MCUB: variants seen among roughly 807,000 people sequenced by gnomAD.
The protein encoded by MCUB is mitochondrial calcium uniporter dominant negative subunit beta, also known as calcium uniporter regulatory subunit MCUb, mitochondrial.
A neutral mutation model predicts 41.4 loss-of-function variants in MCUB; 46 were observed. The ratio of observed to expected loss-of-function variants is 1.11; its 90% confidence interval spans 0.88 to 1.42. MCUB has a LOEUF of 1.42. Among genes scored for constraint, MCUB ranks in the 40% most tolerant of loss-of-function variants. The pLI is 0.00. For missense variants in MCUB, 403 were observed against 404.9 expected (o/e 1.00, Z 0.04); for synonymous variants, 148 against 148.2 (o/e 1.00, Z 0.01).
rs187537628 is a variant in MCUB, at chr4:109,573,736, A to C, written c.99+13300A>C. Among the ~76,000 whole-genome samples the C allele has an allele frequency of 2.4e-3, 369 of 152,224 alleles. 1 individual carries two copies. The highest frequency in any genetic ancestry group is 8.3e-3 in the African/African-American group (345 of 41,540). On this transcript the variant is annotated intron_variant, in intron 1 of 7. Transcript: ENST00000394650. ...GATTGTCACATTGATTGTCAGACTG[A>C]GTCAAGGGCATTGTGTTTTGTTACT...
intron 1 of MCUB, among the ~76,000 whole-genome samples, chr4:109,561,811 C>T (rs182576059): frequency 1.2e-4 from 18 of 152,196 alleles, no homozygotes; most frequent in African/African-American, 4.3e-4. Flanking sequence ...TGCAGTTGTG[C>T]GATCTCGGCT....
At chr4:109,662,214 A>G (rs927246939) in intron 3 of MCUB, among the ~76,000 whole-genome samples, 5 of 152,250 alleles carry the variant, frequency 3.3e-5, no homozygotes, top group Admixed American at 6.5e-5. Flanking sequence ...TTTTAGCCCT[A>G]TGGCACAATG....
rs1579097723 is a variant in MCUB, at chr4:109,679,130, G to A, written c.452-3452G>A. On this transcript the variant is annotated intron_variant, in intron 4 of 7. Coordinates refer to ENST00000394650, the MANE Select transcript of MCUB (RefSeq NM_017918.5). ...GCACTCCTCACTTCCTCCCAGACGG[G>A]ATGGCCGGGCAGAGGTGCTCCTCAC... 2.0e-5 allele frequency among the ~76,000 whole-genome samples: 3 copies of A among 151,312 alleles called. No individual in the cohort carries two copies. In the Middle Eastern group the frequency reaches 0.01, roughly 515 times the overall value.
At chr4:109,578,388 T>C (rs989810533) in intron 1 of MCUB, among the ~76,000 whole-genome samples, 21 of 152,210 alleles carry the variant, frequency 1.4e-4, no homozygotes, top group African/African-American at 4.6e-4. Flanking sequence ...ATACATCTTA[T>C]ATAGATGGGA....
intron 1 of MCUB, among the ~76,000 whole-genome samples, chr4:109,640,102 A>C (rs1270706760): frequency 4.6e-5 from 7 of 152,210 alleles, no homozygotes; most frequent in Non-Finnish European, 1.0e-4. Context: ...GTTTGTGGGC[A>C]GGGGGTGGAT....
chr4:109,682,023 C>T (rs530521419), intron 4 of MCUB, among the ~76,000 whole-genome samples: 6 of 152,294 alleles, frequency 3.9e-5, no homozygotes, highest in African/African-American at 9.6e-5. Context: ...AATAGATGAT[C>T]GGCTATTTCT....
At chr4:109,656,446 G>A (rs1306548542) in intron 1 of MCUB, among the ~76,000 whole-genome samples, 6 of 133,574 alleles carry the variant, frequency 4.5e-5, no homozygotes, top group African/African-American at 8.3e-5. Context: ...CTACAATCTC[G>A]GTTCACTGCA....
chr4:109,564,004 C>A (rs555331749), intron 1 of MCUB, among the ~76,000 whole-genome samples: 4 of 152,332 alleles, frequency 2.6e-5, no homozygotes, highest in African/African-American at 7.2e-5. Context: ...TGACCCTTGC[C>A]AGTCTTCAAG....
At position 109,562,955 on chromosome 4, in the gene MCUB, G is replaced by A. The variant is rs146934119; in HGVS notation, c.99+2519G>A. Among the ~76,000 whole-genome samples the A allele has an allele frequency of 2.6e-5, 4 of 152,362 alleles. No homozygotes were observed. The East Asian group carries it at 5.8e-4, about 22-fold the overall frequency. On this transcript the variant is annotated intron_variant, in intron 1 of 7. Transcript: ENST00000394650. Reference sequence around the variant, plus strand: ...AACACATTTAGTCTGAAGCGTAGTAGAGCAAGAGCATATTGTATTCATCTT... The same window carrying A: ...AACACATTTAGTCTGAAGCGTAGTAAAGCAAGAGCATATTGTATTCATCTT...
chr4:109,648,508 C>T (rs977673886), intron 1 of MCUB: 1 of 361,006 alleles, frequency 2.8e-6, no homozygotes, highest in Non-Finnish European at 5.3e-6. Flanking sequence ...AACTACTCGT[C>T]TTGGGCTGTC....
chr4:109,656,813 C>G (rs1290273352), intron 1 of MCUB, among the ~76,000 whole-genome samples: 2 of 152,108 alleles, frequency 1.3e-5, no homozygotes, highest in East Asian at 3.8e-4. Context: ...ATTGTAATAT[C>G]CATTATCCAC....
chr4:109,580,921 G>A (rs1330886190), intron 1 of MCUB, among the ~76,000 whole-genome samples: 1 of 152,190 alleles, frequency 6.6e-6, no homozygotes, highest in East Asian at 1.9e-4. Context: ...TCATGGGTAG[G>A]AAGAATCAAT....
At chr4:109,687,037 G>T (rs565695752) in intron 7 of MCUB, among the ~76,000 whole-genome samples, 1 of 151,752 alleles carries the variant, frequency 6.6e-6, no homozygotes. Context: ...AAGGCATAAG[G>T]ATGAATTAGT....
chr4:109,579,566 T>G (rs1030520797), intron 1 of MCUB, among the ~76,000 whole-genome samples: 4 of 152,184 alleles, frequency 2.6e-5, no homozygotes, highest in African/African-American at 9.7e-5. Context: ...TAGGCAGGTT[T>G]TGCACTTAAT....
chr4:109,582,565 A>C (rs1051586943), intron 1 of MCUB, among the ~76,000 whole-genome samples: 2 of 151,816 alleles, frequency 1.3e-5, no homozygotes, highest in Non-Finnish European at 1.5e-5. Flanking sequence ...TTTAACAAAA[A>C]AAAAAAAAAA....
intron 1 of MCUB, among the ~76,000 whole-genome samples, chr4:109,587,168 G>A (rs996401026): frequency 6.6e-6 from 1 of 152,254 alleles, no homozygotes; most frequent in East Asian, 1.9e-4. Flanking sequence ...AGCAATGGCG[G>A]ATGCCCCTCC....
intron 1 of MCUB, among the ~76,000 whole-genome samples, chr4:109,602,028 C>A (rs1473403910): frequency 1.3e-5 from 2 of 151,498 alleles, no homozygotes; most frequent in African/African-American, 4.9e-5. Flanking sequence ...TGAGAAATGT[C>A]TATTCAGATC....
At chr4:109,576,203 T>C (rs1269767422) in intron 1 of MCUB, among the ~76,000 whole-genome samples, 1 of 152,196 alleles carries the variant, frequency 6.6e-6, no homozygotes, top group African/African-American at 2.4e-5. Context: ...AACACTCCAG[T>C]TCCTGATCCT....
At chr4:109,619,253 T>G in intron 1 of MCUB, among the ~76,000 whole-genome samples, 1 of 152,160 alleles carries the variant, frequency 6.6e-6, no homozygotes. Context: ...TTTTTTTTTG[T>G]ATTTTTAGTA....
Sources: allele counts gnomAD v4.1 joint callset (sites outside exome capture counted in the v4.1 genomes callset), GRCh38; gene constraint gnomAD v4.1.1; transcripts MANE v1.5; gene names NCBI Gene and HGNC (gene_info 2026-07-23, HGNC 2026-07-21).